The following ARL10 variants were observed in gnomAD, a reference collection of about 807,000 sequenced individuals.
ARL10 encodes the protein ARF like GTPase 10.
ARL10 carries 23 observed loss-of-function variants against 26.1 expected under a neutral mutation model. The observed-to-expected ratio is 0.88, with a 90% CI of 0.63 to 1.25. ARL10 has a LOEUF of 1.25. ARL10 is among the 50% of genes most tolerant of loss of function. The probability of loss-of-function intolerance (pLI) is 0.00; values close to 1 mark genes in which losing one functional copy is unlikely to be tolerated. For missense variants in ARL10, 300 were observed against 323.6 expected, an observed-to-expected ratio of 0.93 and a Z score of 0.56; for synonymous variants, 138 against 149.1, an observed-to-expected ratio of 0.93 and a Z score of 0.54.
downstream of ARL10, chr5:176,384,465 A>G (rs1370208287): frequency 7.7e-7 from 1 of 1,302,576 alleles, no homozygotes; most frequent in Non-Finnish European, 1.1e-6. Flanking sequence ...CTTGCTATCT[A>G]TCCCTGAGGT....
intron 3 of ARL10, 63 bp downstream of exon 3, chr5:176,369,045 G>GCC (rs1768437120): frequency 6.3e-7 from 1 of 1,587,824 alleles, no homozygotes; most frequent in African/African-American, 1.3e-5. Flanking sequence ...TTGGGCAGGG[G>GCC]CAAGGAGCGC....
chr5:176,365,790 C>G, intron 1 of ARL10, 44 bp downstream of exon 1: 1 of 1,231,802 alleles, frequency 8.1e-7, no homozygotes, highest in Non-Finnish European at 1.0e-6. Flanking sequence ...GCAGGCTGGG[C>G]TGCGACTCCG....
At chr5:176,365,847 G>C (rs911799709) in intron 1 of ARL10, 101 bp downstream of exon 1, 5 of 1,171,860 alleles carry the variant, frequency 4.3e-6, no homozygotes, top group South Asian at 8.5e-5. Flanking sequence ...TGCTGGTGCC[G>C]GGAGCTTGGG....
At chr5:176,397,630 T>C (rs139382437) in intron 1 of ARL10, 8 of 1,590,956 alleles carry the variant, frequency 5.0e-6, no homozygotes, top group Non-Finnish European at 6.0e-6. Flanking sequence ...TGTTCTTCTC[T>C]ACTTGTTCAC....
chr5:176,388,094 T>C (rs774733600), intron 1 of ARL10: 1 of 633,038 alleles, frequency 1.6e-6, no homozygotes, highest in African/African-American at 1.8e-5. Flanking sequence ...TCAACGTCAG[T>C]TGAGCGTTCT....
intron 1 of ARL10, 127 bp downstream of exon 1, chr5:176,365,873 C>A: frequency 9.6e-7 from 1 of 1,045,200 alleles, no homozygotes; most frequent in Non-Finnish European, 1.2e-6. Context: ...GAGGGCTTGG[C>A]AGCCGCAGCG....
At chr5:176,388,590 A>G (rs141048893) in exon 2 of ARL10, 19,490 of 1,520,116 alleles carry the variant, frequency 0.013, 148 homozygotes, top group Non-Finnish European at 0.015. Flanking sequence ...TGTCTCTCAG[A>G]CCTCGTGTAA....
Position 176,365,502 on chromosome 5 carries a change from A to T in ARL10, c.-62A>T. 1 of 1,180,514 alleles carries T rather than the reference A, an allele frequency of 8.5e-7. No individual in the cohort carries two copies. Among genetic ancestry groups the T allele is most frequent in the Non-Finnish European group, 1.1e-6 (1 of 947,208 alleles). 73.1% of individuals were successfully genotyped at this position (1,180,514 alleles called of 1,614,324 possible). A position where few individuals can be genotyped will look rare whatever the true frequency, so the allele number is the denominator to read the frequency against. ...CGGCCGCAGCAGTCGCAGCGGGGCC[A>T]TCTTCGGCGGGCGAGTGGGCTCGGC... is the stretch of plus-strand genomic sequence containing the variant. On this transcript the variant is annotated 5_prime_UTR_variant, in exon 1 of 4. Coordinates refer to ENST00000310389, the MANE Select transcript of ARL10 (RefSeq NM_173664.6).
In ARL10 at chr5:176,372,055, G is replaced by A. The variant is rs1780475182; in HGVS notation, c.*160G>A. The A allele has an allele frequency of 4.2e-6, 6 of 1,436,000 alleles. No homozygotes were observed. In the South Asian group the frequency reaches 7.5e-5, roughly 18 times the overall value. 89.0% of individuals were successfully genotyped at this position (1,436,000 alleles called of 1,614,324 possible). On this transcript the variant is annotated 3_prime_UTR_variant, in exon 4 of 4. Coordinates refer to ENST00000310389, the MANE Select transcript of ARL10 (RefSeq NM_173664.6). ...GGGCCTGGGCAAGGCCAAGAACCAT[G>A]CAGAAGCCTTCCTGGTGAGGTGGCC... is the stretch of plus-strand genomic sequence containing the variant.
rs909858664 is a variant in ARL10 at position 176,375,102 on chromosome 5, A to ATCCC, written c.*3210_*3211insCTCC. 2 of 149,128 alleles carry ATCCC rather than the reference A, an allele frequency of 1.3e-5. No homozygotes were observed. The highest frequency in any genetic ancestry group is 3.0e-5 in the Non-Finnish European group (2 of 67,024). 9.2% of individuals were successfully genotyped at this position (149,128 alleles called of 1,614,324 possible). On this transcript the variant is annotated 3_prime_UTR_variant, in exon 4 of 4. Transcript: ENST00000310389. ...CATCCATCCATCCATCCATCCATCC[A>ATCCC]TCCATCCCTCCATCCGTCCACCCGT...
downstream of ARL10, among the ~76,000 whole-genome samples, chr5:176,391,402 C>T (rs931727500): frequency 2.6e-5 from 4 of 152,080 alleles, no homozygotes; most frequent in African/African-American, 9.7e-5. Context: ...TTGCTTGAGC[C>T]CAGGAGTTTG....
downstream of ARL10, chr5:176,406,076 C>T: frequency 3.4e-6 from 3 of 880,740 alleles, no homozygotes; most frequent in South Asian, 5.2e-5. Context: ...CTGCTCAGAA[C>T]TTATTTTCCT....
the ARL10 span, chr5:176,410,191 G>A: frequency 2.2e-6 from 3 of 1,350,806 alleles, no homozygotes; most frequent in Non-Finnish European, 3.2e-6. Context: ...CTACAACAAT[G>A]AGGCTTTAGG....
At chr5:176,412,954 C>A in the ARL10 span, among the ~76,000 whole-genome samples, 1 of 152,138 alleles carries the variant, frequency 6.6e-6, no homozygotes, top group African/African-American at 2.4e-5. Flanking sequence ...ATTTGCACCA[C>A]CCTACTCCGC....
chr5:176,392,578 G>A (rs1220539969), downstream of ARL10: 7 of 594,094 alleles, frequency 1.2e-5, no homozygotes, highest in South Asian at 4.2e-5. This position sits in a 1 kb window ranked among gnomAD's most constrained non-coding sequence, Gnocchi z 5.2. Flanking sequence ...GAGAGGAGGC[G>A]TGAGGGGCTG....
downstream of ARL10, chr5:176,389,230 T>C (rs1756158717): frequency 2.2e-6 from 3 of 1,395,036 alleles, no homozygotes; most frequent in Non-Finnish European, 2.0e-6. Flanking sequence ...CTCCCTCCGC[T>C]GTGATCCAGA....
the ARL10 span, among the ~76,000 whole-genome samples, chr5:176,407,825 C>T: frequency 2.0e-5 from 3 of 152,310 alleles, no homozygotes; most frequent in Non-Finnish European, 4.4e-5. Flanking sequence ...TGGACTTTTC[C>T]AGCTTGCTGA....
At chr5:176,386,416 G>C (rs1017686842), downstream of ARL10, 8 of 278,552 alleles carry the variant, frequency 2.9e-5, no homozygotes, top group Admixed American at 3.4e-4. Flanking sequence ...CCACTTTCCT[G>C]TAGGGTTTAC....
chr5:176,396,443 T>C (rs564656616), intron 1 of ARL10: 15 of 1,580,440 alleles, frequency 9.5e-6, no homozygotes, highest in Admixed American at 1.7e-5. Flanking sequence ...ATTCCCTCTC[T>C]AGCTCCCCCA....
Sources: allele counts gnomAD v4.1 joint callset (sites outside exome capture counted in the v4.1 genomes callset), GRCh38; gene constraint gnomAD v4.1.1; non-coding constraint Gnocchi (gnomAD v3.1); transcripts MANE v1.5; gene names NCBI Gene and HGNC (gene_info 2026-07-23, HGNC 2026-07-21).